Variants in MATN2 observed in about 807,000 individuals in gnomAD.
MATN2 encodes matrilin 2.
A neutral mutation model predicts 103.2 loss-of-function variants in MATN2; 69 were observed. That is an observed-to-expected ratio of 0.67 (90% confidence interval 0.55 to 0.82). The LOEUF (loss-of-function observed/expected upper bound fraction) is 0.82. Ranked by LOEUF, MATN2 falls within the 40% of genes least tolerant of loss-of-function variation. MATN2 has a pLI of 0.00. For missense variants in MATN2, 1,023 were observed against 1,211.5 expected, an observed-to-expected ratio of 0.84 and a Z score of 2.31; for synonymous variants, 429 against 450.2, an observed-to-expected ratio of 0.95 and a Z score of 0.60.
At chr8:97,951,833 C>A (rs1157887510) in intron 4 of MATN2, among the ~76,000 whole-genome samples, 3 of 152,156 alleles carry the variant, frequency 2.0e-5, no homozygotes, top group African/African-American at 7.2e-5. Context: ...CTTTTCCCTT[C>A]CCCGAGGAAA....
chr8:97,875,974 C>T (rs1001315070), intron 1 of MATN2, among the ~76,000 whole-genome samples: 35 of 151,652 alleles, frequency 2.3e-4, no homozygotes, highest in African/African-American at 8.0e-4. Context: ...GGATTACAGG[C>T]GTGAGCCACT....
intron 11 of MATN2, 139 bp downstream of exon 11, chr8:98,016,801 C>A: frequency 1.1e-5 from 10 of 937,522 alleles, no homozygotes; most frequent in Middle Eastern, 2.3e-4. Context: ...TGGATAGGAC[C>A]CTGAAAGAGA....
At chr8:97,961,110 G>A (rs1261062137) in intron 4 of MATN2, among the ~76,000 whole-genome samples, 1 of 152,052 alleles carries the variant, frequency 6.6e-6, no homozygotes, top group African/African-American at 2.4e-5. Context: ...CCACCGCATG[G>A]CTGAAAAATG....
intron 5 of MATN2, among the ~76,000 whole-genome samples, chr8:97,967,894 C>A (rs1290989634): frequency 6.6e-6 from 1 of 152,240 alleles, no homozygotes; most frequent in Non-Finnish European, 1.5e-5. Flanking sequence ...TGGCACTGAC[C>A]TAGTAGAGTC....
chr8:97,870,513 C>T (rs1193892920), intron 1 of MATN2, among the ~76,000 whole-genome samples: 2 of 140,888 alleles, frequency 1.4e-5, no homozygotes, highest in Non-Finnish European at 3.3e-5. Context: ...AGCTAAACTC[C>T]GTCTCAAAAG....
chr8:97,942,144 C>A (rs1259512586), intron 4 of MATN2, among the ~76,000 whole-genome samples: 1 of 152,176 alleles, frequency 6.6e-6, no homozygotes, highest in African/African-American at 2.4e-5. Context: ...CAGAAATAGC[C>A]TCTTTGGATG....
At position 98,027,781 on chromosome 8, in the gene MATN2, C is replaced by T. The variant is rs1356641704; in HGVS notation, c.2308C>T (p.Arg770Trp). 1.2e-6 allele frequency: 2 copies of T among 1,603,366 alleles called. No individual in the cohort carries two copies. Among genetic ancestry groups the T allele is most frequent in the South Asian group, 1.1e-5 (1 of 89,566 alleles). Residue 770 changes from arginine (R) to tryptophan (W), a missense_variant, in exon 14 of 19, where the codon CGG becomes TGG. Transcript: ENST00000254898. ...AGCAGCCATTGTGTTCACCGACGGA[C>T]GGGCTCAGGATGACGTCTCCGAGTG... is the stretch of plus-strand genomic sequence containing the variant. ...PRAAIVFTDG[R>W]AQDDVSEWAS...
chr8:97,932,698 G>C (rs34302865), intron 3 of MATN2, among the ~76,000 whole-genome samples: 2,824 of 152,244 alleles, frequency 0.019, 49 homozygotes, highest in Non-Finnish European at 0.027. Flanking sequence ...CGGGAGGGCA[G>C]GGGGCCAGCC....
chr8:97,969,088 T>C (rs1811573924), intron 5 of MATN2, among the ~76,000 whole-genome samples: 1 of 152,070 alleles, frequency 6.6e-6, no homozygotes, highest in Non-Finnish European at 1.5e-5. Context: ...GTATGTCACA[T>C]GACAAGGACA....
At chr8:97,932,688 C>G (rs1032004441) in intron 3 of MATN2, among the ~76,000 whole-genome samples, 2 of 152,148 alleles carry the variant, frequency 1.3e-5, no homozygotes, top group Admixed American at 1.3e-4. Flanking sequence ...CTTCCTCCTC[C>G]GGGAGGGCAG....
intron 1 of MATN2, among the ~76,000 whole-genome samples, chr8:97,882,531 T>C (rs1434099973): frequency 1.3e-5 from 2 of 151,826 alleles, no homozygotes; most frequent in African/African-American, 4.8e-5. Flanking sequence ...CGAGTAGCTG[T>C]TCTAAGTTTT....
intron 5 of MATN2, among the ~76,000 whole-genome samples, chr8:97,965,830 C>CAAA (rs1483214173): frequency 7.9e-5 from 12 of 151,832 alleles, no homozygotes; most frequent in African/African-American, 2.9e-4. Context: ...AAAAAAAATA[C>CAAA]AAAATTAGTC....
chr8:98,004,015 G>A (rs538184912), intron 8 of MATN2: 108 of 456,352 alleles, frequency 2.4e-4, no homozygotes, highest in Non-Finnish European at 3.8e-4. Flanking sequence ...TAGGCTGGGC[G>A]CGGTGGCTCA....
At chr8:97,884,750 G>A (rs1383781635) in intron 1 of MATN2, among the ~76,000 whole-genome samples, 1 of 152,054 alleles carries the variant, frequency 6.6e-6, no homozygotes. Context: ...CTGCCTGGGC[G>A]ACAGCGAGAC....
intron 4 of MATN2, among the ~76,000 whole-genome samples, chr8:97,948,775 G>A (rs1268443429): frequency 6.6e-6 from 1 of 152,100 alleles, no homozygotes; most frequent in East Asian, 1.9e-4. Context: ...ATGATGAAAT[G>A]GTAGAAGAAA....
chr8:97,991,712 A>G (rs535439990), intron 6 of MATN2, among the ~76,000 whole-genome samples: 19 of 148,532 alleles, frequency 1.3e-4, no homozygotes, highest in Non-Finnish European at 2.4e-4. Flanking sequence ...GCAGAGCGAG[A>G]CTCTATCTCA....
intron 4 of MATN2, among the ~76,000 whole-genome samples, chr8:97,944,241 A>G (rs1227627422): frequency 6.6e-6 from 1 of 152,198 alleles, no homozygotes; most frequent in Non-Finnish European, 1.5e-5. Context: ...TGGATTTTCA[A>G]TGAACCGACG....
rs762519047 is a variant in MATN2, at chr8:98,033,212, G to C, written c.2716+36G>C. On this transcript the variant is annotated intron_variant, in intron 17 of 18. Transcript: ENST00000254898. ...GTAAAATATTACTATAAGATAACTT[G>C]ATCTCAGCCTTTCGGCTTGCCAACA... 3.2e-6 allele frequency: 5 copies of C among 1,550,310 alleles called. No homozygotes were observed. The African/African-American group carries it at 6.9e-5, about 21-fold the overall frequency.
chr8:97,918,852 C>G (rs1809719656), intron 2 of MATN2, among the ~76,000 whole-genome samples: 1 of 152,180 alleles, frequency 6.6e-6, no homozygotes, highest in African/African-American at 2.4e-5. Flanking sequence ...ACTCATTAAT[C>G]CCCTGACTGT....
Sources: gnomAD v4.1 joint callset for allele counts (sites outside exome capture counted in the v4.1 genomes callset) on GRCh38, gnomAD v4.1.1 for gene constraint, MANE v1.5 for transcripts, NCBI Gene and HGNC (gene_info 2026-07-23, HGNC 2026-07-21) for gene names.